The following RPRD2 variants were observed in gnomAD, a reference collection of about 807,000 sequenced individuals.
The protein encoded by RPRD2 is regulation of nuclear pre-mRNA domain-containing protein 2.
RPRD2 carries 12 observed loss-of-function variants against 104.4 expected under a neutral mutation model. The observed-to-expected ratio is 0.11, with a 90% CI of 0.07 to 0.19. RPRD2 has a LOEUF of 0.19. RPRD2 is among the 10% of genes least tolerant of loss of function. The pLI is 1.00. For missense variants in RPRD2, 1,543 were observed against 1,790.1 expected (o/e 0.86, Z 2.49); for synonymous variants, 714 against 684.9 (o/e 1.04, Z -0.66).
intron 2 of RPRD2, among the ~76,000 whole-genome samples, chr1:150,436,720 A>G (rs1309196582): frequency 6.6e-6 from 1 of 152,010 alleles, no homozygotes; most frequent in African/African-American, 2.4e-5. Context: ...CAGCCTGGCC[A>G]ACATGGTGAA....
chr1:150,444,082 A>G (rs1553895073), intron 5 of RPRD2, among the ~76,000 whole-genome samples, 169 bp from the exon 6 acceptor site: 4 of 152,246 alleles, frequency 2.6e-5, no homozygotes, highest in Non-Finnish European at 5.9e-5. Flanking sequence ...TTGATCATTA[A>G]TATCTGTCAC....
intron 2 of RPRD2, among the ~76,000 whole-genome samples, chr1:150,421,343 A>G (rs1664742476): frequency 6.6e-6 from 1 of 152,224 alleles, no homozygotes; most frequent in Admixed American, 6.5e-5. Context: ...TAAAATTTCA[A>G]AAATTTAAAG....
At position 150,411,483 on chromosome 1, in the gene RPRD2, A is replaced by T. The variant is rs587746069; in HGVS notation, c.206-6113A>T. Among the ~76,000 whole-genome samples the T allele has an allele frequency of 8.4e-5, 10 of 119,570 alleles. 1 individual carries two copies. The highest frequency in any genetic ancestry group is 3.7e-4 in the African/African-American group (10 of 27,258). The allele number at this position is 119,570 out of a possible 152,430, so 78.4% of individuals were successfully genotyped here. ...CAAAAAAAAAAACAAAAAAAAAACG[A>T]AACAAACAAAAGAAGAAGGCAGTAC... On this transcript the variant is annotated intron_variant, in intron 1 of 10. Coordinates refer to ENST00000369068, the MANE Select transcript of RPRD2 (RefSeq NM_015203.5).
intron 1 of RPRD2, among the ~76,000 whole-genome samples, chr1:150,400,179 C>T (rs149649698): frequency 1.4e-4 from 21 of 152,168 alleles, no homozygotes; most frequent in African/African-American, 5.1e-4. Flanking sequence ...TTTAATTTCC[C>T]CGTTTGTTGC....
In RPRD2 at chr1:150,475,192, A is replaced by G. The variant is rs772070545; in HGVS notation, c.*1858A>G. 1 of 152,320 alleles carries G rather than the reference A, an allele frequency of 6.6e-6. No homozygotes were observed. Among genetic ancestry groups the G allele is most frequent in the African/African-American group, 2.4e-5 (1 of 41,562 alleles). 9.4% of individuals were successfully genotyped at this position (152,320 alleles called of 1,614,324 possible). A position where few individuals can be genotyped will look rare whatever the true frequency, so the allele number is the denominator to read the frequency against. On this transcript the variant is annotated 3_prime_UTR_variant, in exon 11 of 11. Coordinates refer to ENST00000369068, the MANE Select transcript of RPRD2 (RefSeq NM_015203.5). ...GGGTATGTAGTGTAGCAAAGAAAAG[A>G]AAGTATAGTTATATTGAGTCCTAAG...
At chr1:150,381,325 G>C (rs1553880776) in intron 1 of RPRD2, among the ~76,000 whole-genome samples, 1 of 151,812 alleles carries the variant, frequency 6.6e-6, no homozygotes, top group Non-Finnish European at 1.5e-5. Flanking sequence ...AGGAGCCTGA[G>C]GTGGGAGGAT....
Position 150,464,578 on chromosome 1 carries a change from A to G in RPRD2, c.1463A>G (p.Asn488Ser). 1 of 1,607,006 alleles carries G rather than the reference A, an allele frequency of 6.2e-7. No homozygotes were observed. Among genetic ancestry groups the G allele is most frequent in the Non-Finnish European group, 8.5e-7 (1 of 1,176,602 alleles). Residue 488 changes from asparagine (N) to serine (S), a missense_variant, in exon 10 of 11, where the codon AAC becomes AGC. Physicochemically the swap from Asn to Ser is conservative, Grantham distance 46. Around this residue, in one of 4 missense-constraint regions of RPRD2, gnomAD observed 572 missense variants for 787.3 expected, o/e 0.73. Coordinates refer to ENST00000369068, the MANE Select transcript of RPRD2 (RefSeq NM_015203.5). Reference sequence around the variant, plus strand: ...CCAGGAACGCCCACCAGCCCCAGCAACCTCACCAGTGGCCTGAAAACACCT... The same window carrying G: ...CCAGGAACGCCCACCAGCCCCAGCAGCCTCACCAGTGGCCTGAAAACACCT... ...PSPGTPTSPS[N>S]LTSGLKTPAP...
At chr1:150,374,978 C>T (rs1260458) in intron 1 of RPRD2, among the ~76,000 whole-genome samples, 83,390 of 151,220 alleles carry the variant, frequency 0.55, 23,753 homozygotes, top group Non-Finnish European at 0.62. Context: ...TTATTATCCA[C>T]CCTCTCCCTC....
chr1:150,427,478 A>G (rs1665225552), intron 2 of RPRD2, among the ~76,000 whole-genome samples: 2 of 141,844 alleles, frequency 1.4e-5, no homozygotes, highest in African/African-American at 5.4e-5. Context: ...ATCTCAAAAA[A>G]AAAAAAAAAG....
chr1:150,414,705 A>G (rs1664208839), intron 1 of RPRD2, among the ~76,000 whole-genome samples: 1 of 152,210 alleles, frequency 6.6e-6, no homozygotes, highest in Admixed American at 6.5e-5. Context: ...GGAATTTGTT[A>G]GTAACCTTGA....
intron 2 of RPRD2, among the ~76,000 whole-genome samples, chr1:150,423,792 A>T (rs1291327177): frequency 2.7e-5 from 4 of 145,522 alleles, no homozygotes; most frequent in South Asian, 2.2e-4. Context: ...CTGAAAACAA[A>T]TTTTTTTTTT....
chr1:150,391,013 A>T (rs1486352484), intron 1 of RPRD2, among the ~76,000 whole-genome samples: 1 of 152,194 alleles, frequency 6.6e-6, no homozygotes, highest in East Asian at 1.9e-4. Context: ...GTAGGAGAGG[A>T]TGGGTATTCT....
intron 1 of RPRD2, among the ~76,000 whole-genome samples, chr1:150,407,222 T>A (rs782583795): frequency 3.3e-5 from 5 of 152,062 alleles, no homozygotes; most frequent in Non-Finnish European, 7.3e-5. Flanking sequence ...ATCAGAGGAG[T>A]TTAAGGTACA....
intron 1 of RPRD2, among the ~76,000 whole-genome samples, chr1:150,411,817 C>T (rs1293802604): frequency 1.1e-5 from 1 of 88,184 alleles, no homozygotes; most frequent in African/African-American, 5.0e-5. Flanking sequence ...AAAAAAAAAA[C>T]GAAACAAACA....
intron 1 of RPRD2, among the ~76,000 whole-genome samples, chr1:150,396,198 GTTTT>G (rs34604351): frequency 7.5e-6 from 1 of 134,080 alleles, no homozygotes; most frequent in Non-Finnish European, 1.6e-5. Flanking sequence ...TCGTCTGTGT[GTTTT>G]TTTTTTTTTT....
At position 150,472,092 on chromosome 1, in the gene RPRD2, C is replaced by T. The variant is rs779431962; in HGVS notation, c.3144C>T (p.Ser1048=). The change falls in exon 11 of 11, where the codon AGC becomes AGT. Residue 1048 remains serine (S), a synonymous_variant. Coordinates refer to ENST00000369068, the MANE Select transcript of RPRD2 (RefSeq NM_015203.5). ...GTCTCTCAAACCTCACCCAACCCAG[C>T]TTGACCGCCACTGATCAGCAGCAAC... ...GVSLSNLTQP[S]LTATDQQQQE... is the part of the protein sequence containing the mutation. 10 of 1,613,738 alleles carry T rather than the reference C, an allele frequency of 6.2e-6. No individual in the cohort carries two copies. The highest frequency in any genetic ancestry group is 5.5e-5 in the South Asian group (5 of 91,092).
At chr1:150,462,705 G>A (rs1399635739) in intron 9 of RPRD2, among the ~76,000 whole-genome samples, 1 of 151,952 alleles carries the variant, frequency 6.6e-6, no homozygotes, top group Non-Finnish European at 1.5e-5. Flanking sequence ...ACAGGTGCCT[G>A]CCACCACGCC....
chr1:150,425,626 A>G (rs1417695600), intron 2 of RPRD2, among the ~76,000 whole-genome samples: 1 of 151,244 alleles, frequency 6.6e-6, no homozygotes, highest in Non-Finnish European at 1.5e-5. Context: ...CTGGGCAACA[A>G]GAACAAAACT....
intron 1 of RPRD2, among the ~76,000 whole-genome samples, chr1:150,393,245 A>C (rs1472750710): frequency 6.6e-6 from 1 of 151,914 alleles, no homozygotes; most frequent in Non-Finnish European, 1.5e-5. Flanking sequence ...TAAGGCAGGC[A>C]GATCGCTTGA....
Sources: allele counts gnomAD v4.1 joint callset (sites outside exome capture counted in the v4.1 genomes callset), GRCh38; gene constraint gnomAD v4.1.1; regional missense constraint gnomAD v4.1.1; transcripts MANE v1.5; gene names NCBI Gene and HGNC (gene_info 2026-07-23, HGNC 2026-07-21).